Variants in TSHZ2 observed in about 807,000 individuals in gnomAD.
TSHZ2 encodes the protein teashirt homolog 2.
Under a neutral mutation model 74.4 loss-of-function variants are expected in TSHZ2, and 21 were observed. The ratio of observed to expected loss-of-function variants is 0.28; its 90% CI spans 0.20 to 0.41. The LOEUF is 0.41. TSHZ2 is among the 10% of genes least tolerant of loss of function. The pLI, the probability that TSHZ2 is intolerant of heterozygous loss-of-function variation, is 1.00. For synonymous variants in TSHZ2, 540 were observed against 515.3 expected (o/e 1.05, Z -0.65); for missense variants, 1,244 against 1,293.5 (o/e 0.96, Z 0.59).
intron 2 of TSHZ2, among the ~76,000 whole-genome samples, chr20:53,458,418 T>C (rs1985201640): frequency 6.6e-6 from 1 of 152,224 alleles, no homozygotes; most frequent in African/African-American, 2.4e-5. Context: ...CCCTTTGTCA[T>C]TTTTTATTAC....
intron 2 of TSHZ2, among the ~76,000 whole-genome samples, chr20:53,367,681 C>T (rs1317866863): frequency 6.6e-6 from 1 of 152,034 alleles, no homozygotes. Flanking sequence ...AGCCATTCTC[C>T]TGCCTCAGCC....
At chr20:53,289,777 T>G (rs993749803) in intron 2 of TSHZ2, among the ~76,000 whole-genome samples, 1 of 152,214 alleles carries the variant, frequency 6.6e-6, no homozygotes, top group East Asian at 1.9e-4. Context: ...CTTCTAATTC[T>G]GATGGCAATT....
intron 2 of TSHZ2, among the ~76,000 whole-genome samples, chr20:53,318,628 C>G (rs975591876): frequency 2.0e-5 from 3 of 152,202 alleles, no homozygotes; most frequent in Non-Finnish European, 2.9e-5. Context: ...CACAATGTAG[C>G]TTCCCTGGGA....
At chr20:53,207,688 T>C (rs1052525478) in intron 1 of TSHZ2, among the ~76,000 whole-genome samples, 2 of 151,974 alleles carry the variant, frequency 1.3e-5, no homozygotes, top group South Asian at 4.1e-4. Flanking sequence ...TTTTTTTATT[T>C]ATTTTAGAGA....
rs142800272 is a variant in TSHZ2, at chr20:53,254,485, T to G, written c.1027T>G (p.Ser343Ala). ...TTCAACCACAGGATCTTTTGCAGAT[T>G]CTTTTTCTTCTCAGAAGAACGCCAA... is the stretch of plus-strand genomic sequence containing the variant. ...PDSTTGSFAD[S>A]FSSQKNANLQ... Residue 343 changes from serine (S) to alanine (A), a missense_variant, in exon 2 of 3, where the codon TCT (serine) becomes GCT (alanine). Ser to Ala is a moderately conservative substitution (Grantham distance 99). Coordinates refer to ENST00000371497, the MANE Select transcript of TSHZ2 (RefSeq NM_173485.6). The G allele has an allele frequency of 5.6e-6, 9 of 1,613,960 alleles. No individual in the cohort carries two copies. The highest frequency in any genetic ancestry group is 7.6e-6 in the Non-Finnish European group (9 of 1,179,944).
intron 2 of TSHZ2, among the ~76,000 whole-genome samples, chr20:53,476,271 G>A (rs1985990195): frequency 7.1e-6 from 1 of 141,262 alleles, no homozygotes; most frequent in Non-Finnish European, 1.5e-5. Context: ...TAAAATACTG[G>A]CAAAACGAAT....
chr20:53,348,918 A>T (rs1414913590), intron 2 of TSHZ2, among the ~76,000 whole-genome samples: 1 of 152,236 alleles, frequency 6.6e-6, no homozygotes, highest in East Asian at 1.9e-4. Context: ...CCCCGCAAGG[A>T]TACCAAGCTA....
At chr20:53,343,654 CAAGG>C (rs1349793895) in intron 2 of TSHZ2, among the ~76,000 whole-genome samples, 1 of 152,188 alleles carries the variant, frequency 6.6e-6, no homozygotes, top group Non-Finnish European at 1.5e-5. Flanking sequence ...GCAGTACTGA[CAAGG>C]AAGCTGGAAG....
At chr20:53,428,471 A>G (rs528030800) in intron 2 of TSHZ2, among the ~76,000 whole-genome samples, 19 of 152,066 alleles carry the variant, frequency 1.2e-4, no homozygotes, top group Non-Finnish European at 2.6e-4. Flanking sequence ...AGTTTGGGGA[A>G]CTCCTGGTTG....
intron 2 of TSHZ2, among the ~76,000 whole-genome samples, chr20:53,423,968 G>A (rs73913763): frequency 0.036 from 5,453 of 152,280 alleles, 290 homozygotes; most frequent in African/African-American, 0.12. Context: ...CCGACGACGC[G>A]CAGGACAGCC....
chr20:52,980,022 C>A (rs1981501856), intron 1 of TSHZ2, among the ~76,000 whole-genome samples: 1 of 152,198 alleles, frequency 6.6e-6, no homozygotes, highest in Non-Finnish European at 1.5e-5. Flanking sequence ...CTCCTACCTG[C>A]TACCCCAGCC....
At chr20:53,003,255 GGTGTGTGTGTGTGTGTGT>G (rs11468763) in intron 1 of TSHZ2, among the ~76,000 whole-genome samples, 3 of 139,514 alleles carry the variant, frequency 2.2e-5, no homozygotes, top group South Asian at 2.5e-4. Flanking sequence ...CTCCAGGGAT[GGTGTGTGTGTGTGTGTGT>G]GTGTGTGTGT....
intron 2 of TSHZ2, among the ~76,000 whole-genome samples, chr20:53,449,603 A>G (rs541000151): frequency 1.7e-4 from 26 of 152,342 alleles, no homozygotes; most frequent in African/African-American, 5.5e-4. Flanking sequence ...CTCACCAACT[A>G]TTCCCCAAAC....
chr20:53,306,728 T>C (rs1978561567), intron 2 of TSHZ2, among the ~76,000 whole-genome samples: 1 of 152,110 alleles, frequency 6.6e-6, no homozygotes, highest in Admixed American at 6.5e-5. Flanking sequence ...AAAGGAGAAG[T>C]TTTCTAATTT....
chr20:53,443,456 C>CT (rs1984418439), intron 2 of TSHZ2, among the ~76,000 whole-genome samples: 2 of 152,166 alleles, frequency 1.3e-5, no homozygotes, highest in Non-Finnish European at 1.5e-5. Context: ...TTCTGGCCTC[C>CT]ATTTTCTTCC....
intron 2 of TSHZ2, among the ~76,000 whole-genome samples, chr20:53,458,328 T>C (rs1390061596): frequency 2.6e-5 from 4 of 151,918 alleles, no homozygotes; most frequent in African/African-American, 7.3e-5. Flanking sequence ...TTCTTCTAGA[T>C]TTTCTAGTTT....
At chr20:53,380,945 C>T (rs1306287484) in intron 2 of TSHZ2, among the ~76,000 whole-genome samples, 8 of 152,212 alleles carry the variant, frequency 5.3e-5, no homozygotes, top group Non-Finnish European at 1.2e-4. Context: ...ATAGTAATGA[C>T]TATGCTGGTC....
At chr20:53,414,277 A>G (rs1042834300) in intron 2 of TSHZ2, among the ~76,000 whole-genome samples, 15 of 152,318 alleles carry the variant, frequency 9.8e-5, no homozygotes, top group Non-Finnish European at 1.8e-4. Flanking sequence ...TTGACTTTTT[A>G]CTAAGTTCTT....
intron 1 of TSHZ2, among the ~76,000 whole-genome samples, chr20:53,093,168 A>G (rs1985936099): frequency 6.6e-6 from 1 of 152,192 alleles, no homozygotes; most frequent in East Asian, 1.9e-4. Context: ...AAATGGGACC[A>G]ATTATACAAC....
Sources: gnomAD v4.1 joint callset for allele counts (sites outside exome capture counted in the v4.1 genomes callset) on GRCh38, gnomAD v4.1.1 for gene constraint, MANE v1.5 for transcripts, NCBI Gene and HGNC (gene_info 2026-07-23, HGNC 2026-07-21) for gene names.